The following GCFC2 variants were observed in gnomAD, a reference collection of about 807,000 sequenced individuals.
GCFC2 encodes GC-rich sequence DNA-binding factor 2, also known as intron Large complex component GCFC2.
In GCFC2, 102 loss-of-function variants were observed where a neutral mutation model predicts 99.4. That is an observed-to-expected ratio of 1.03 (90% CI 0.87 to 1.21). The LOEUF is 1.21. Among genes scored for constraint, GCFC2 ranks in the 50% most tolerant of loss-of-function variants. The pLI is 0.00. For synonymous variants in GCFC2, 338 were observed against 316.8 expected (o/e 1.07, Z -0.71); for missense variants, 973 against 920.9 (o/e 1.06, Z -0.73).
rs1046822472 is a variant in GCFC2 at position 75,664,693 on chromosome 2, A to G, written c.2319T>C (p.His773=). 3.4e-6 allele frequency: 5 copies of G among 1,485,778 alleles called. No homozygotes were observed. Among genetic ancestry groups the G allele is most frequent in the Non-Finnish European group, 4.7e-6 (5 of 1,068,132 alleles). 92.0% of individuals were successfully genotyped at this position (1,485,778 alleles called of 1,614,324 possible). A position where few individuals can be genotyped will look rare whatever the true frequency, so the allele number is the denominator to read the frequency against. ...ESFIGEHHLD[H]LKSLIKED ...AATCTTCTTTAATTAGTGATTTAAG[A>G]TGGTCTAGGTGATGCTCTCCTATGA... is the stretch of plus-strand genomic sequence containing the variant. The change falls in exon 17 of 17, where the codon CAT becomes CAC. Residue 773 remains histidine (H), a synonymous_variant. Coordinates refer to ENST00000321027, the MANE Select transcript of GCFC2 (RefSeq NM_003203.5).
rs1471010655 is a variant in GCFC2, at chr2:75,706,677, C to CA, written c.266-27dup. On this transcript the variant is annotated intron_variant, in intron 1 of 16. Coordinates refer to ENST00000321027, the MANE Select transcript of GCFC2 (RefSeq NM_003203.5). Reference sequence around the variant, plus strand: ...CTAACAGGACATTTTAAAAATACAACAAAAAAGAGTCAAAATAATGGAATT... The same window carrying CA: ...CTAACAGGACATTTTAAAAATACAACAAAAAAAGAGTCAAAATAATGGAATT... 7 of 1,482,500 alleles carry CA rather than the reference C, an allele frequency of 4.7e-6. No individual in the cohort carries two copies. The East Asian group carries it at 6.8e-5, about 14-fold the overall frequency. The allele number at this position is 1,482,500 out of a possible 1,614,324, so 91.8% of individuals were successfully genotyped here. A position where few individuals can be genotyped will look rare whatever the true frequency, so the allele number is the denominator to read the frequency against.
At position 75,701,212 on chromosome 2, in the gene GCFC2, C is replaced by T. The variant is rs771797224; in HGVS notation, c.695G>A (p.Arg232Lys). Reference protein sequence around the residue: ...KQDTWEQQQMRKAVKIIEERD... With the variant: ...KQDTWEQQQMKKAVKIIEERD... ...TACCTCTATGATTTTAACTGCTTTC[C>T]TCATTTGCTGTTGTTCCCAAGTATC... Residue 232 changes from arginine (R) to lysine (K), a missense_variant, in exon 4 of 17, where the codon AGG (arginine) becomes AAG (lysine). Coordinates refer to ENST00000321027, the MANE Select transcript of GCFC2 (RefSeq NM_003203.5). 6.3e-7 allele frequency: 1 copy of T among 1,586,982 alleles called. No homozygotes were observed. The highest frequency in any genetic ancestry group is 1.7e-5 in the Admixed American group (1 of 59,910).
intron 12 of GCFC2, among the ~76,000 whole-genome samples, chr2:75,675,975 C>T (rs994547360): frequency 6.6e-6 from 1 of 151,970 alleles, no homozygotes; most frequent in African/African-American, 2.4e-5. Context: ...TTGTGTGATG[C>T]CAATGGTTTT....
chr2:75,698,678 C>T (rs2104386346), intron 4 of GCFC2, among the ~76,000 whole-genome samples: 1 of 152,218 alleles, frequency 6.6e-6, no homozygotes, highest in Non-Finnish European at 1.5e-5. Flanking sequence ...TACTCAACAT[C>T]TGTTGGACTA....
In GCFC2 at chr2:75,710,674, ACCCGGTGGGGCAGT is replaced by A; in HGVS notation, c.168_181del (p.Leu57SerfsTer33). ...CCGGCCCCGGCCACGAGGGCCCCGAACCCGGTGGGGCAGTCCCGCCACCTGCGCGCGGCCTCCTC... is the reference window on the plus strand; with the variant it reads ...CCGGCCCCGGCCACGAGGGCCCCGAACCCGCCACCTGCGCGCGGCCTCCTC... On this transcript the variant is annotated frameshift_variant, in exon 1 of 17. Transcript: ENST00000321027. LOFTEE classifies it high-confidence loss of function. 6.6e-7 allele frequency: 1 copy of A among 1,522,792 alleles called. No homozygotes were observed. Among genetic ancestry groups the A allele is most frequent in the Non-Finnish European group, 8.8e-7 (1 of 1,140,834 alleles). The allele number at this position is 1,522,792 out of a possible 1,614,324, so 94.3% of individuals were successfully genotyped here. A position where few individuals can be genotyped will look rare whatever the true frequency, so the allele number is the denominator to read the frequency against.
At chr2:75,683,919 G>C (rs77550293) in intron 11 of GCFC2, among the ~76,000 whole-genome samples, 1 of 152,012 alleles carries the variant, frequency 6.6e-6, no homozygotes, top group South Asian at 2.1e-4. Context: ...AACAGTAAGA[G>C]CTAACCATCC....
chr2:75,669,778 G>C (rs1183249084), intron 15 of GCFC2, among the ~76,000 whole-genome samples: 2 of 152,034 alleles, frequency 1.3e-5, no homozygotes, highest in Non-Finnish European at 2.9e-5. Flanking sequence ...TGTCACCCAG[G>C]CTGGAGTGCA....
intron 1 of GCFC2, among the ~76,000 whole-genome samples, chr2:75,707,258 G>A (rs757148756): frequency 1.3e-5 from 2 of 152,048 alleles, no homozygotes; most frequent in Admixed American, 1.3e-4. Context: ...TAAACCATGG[G>A]TCCATCTTTT....
At chr2:75,702,124 AT>A (rs760795924) in intron 3 of GCFC2, 74 bp downstream of exon 3, 1 of 1,539,554 alleles carries the variant, frequency 6.5e-7, no homozygotes, top group Non-Finnish European at 8.8e-7. Flanking sequence ...AGCATATTAC[AT>A]TTTTTATGGA....
chr2:75,686,713 C>T (rs1343294134), intron 11 of GCFC2, among the ~76,000 whole-genome samples: 1 of 152,178 alleles, frequency 6.6e-6, no homozygotes, highest in Non-Finnish European at 1.5e-5. Context: ...CACTGTACTC[C>T]AGTCTGGGTG....
rs192738925 is a variant in GCFC2 at position 75,665,390 on chromosome 2, G to A, written c.2228+539C>T. ...GCTGTTCTCAAACTCCTGGGCTCAAGTGATCCTCCTGCCTCAGCCTCCCAA... is the reference window on the plus strand; with the variant it reads ...GCTGTTCTCAAACTCCTGGGCTCAAATGATCCTCCTGCCTCAGCCTCCCAA... On this transcript the variant is annotated intron_variant, in intron 16 of 16. Transcript: ENST00000321027. Among the ~76,000 whole-genome samples the A allele has an allele frequency of 1.7e-3, 260 of 152,258 alleles. 2 individuals are homozygous for A. Among genetic ancestry groups the A allele is most frequent in the African/African-American group, 6.0e-3 (248 of 41,540 alleles).
At chr2:75,705,386 G>T (rs1680805375) in intron 2 of GCFC2, among the ~76,000 whole-genome samples, 1 of 152,060 alleles carries the variant, frequency 6.6e-6, no homozygotes, top group South Asian at 2.1e-4. Context: ...CACTTTGAGA[G>T]TCCGAGGTGG....
At chr2:75,703,924 C>T (rs1402486165) in intron 2 of GCFC2, among the ~76,000 whole-genome samples, 6 of 152,110 alleles carry the variant, frequency 3.9e-5, no homozygotes, top group South Asian at 2.1e-4. Flanking sequence ...TTGCAGGTGA[C>T]TCGGTAGGGT....
intron 6 of GCFC2, among the ~76,000 whole-genome samples, chr2:75,693,229 G>A (rs192723098): frequency 4.6e-5 from 7 of 152,116 alleles, no homozygotes; most frequent in Admixed American, 3.3e-4. Flanking sequence ...GCCTGAGCTC[G>A]GGAGTTCCAG....
chr2:75,673,933 G>A (rs769958026), intron 12 of GCFC2, among the ~76,000 whole-genome samples: 4 of 152,174 alleles, frequency 2.6e-5, no homozygotes, highest in Non-Finnish European at 4.4e-5. Context: ...ACGGTTTCTA[G>A]AATAGTGGCA....
chr2:75,690,601 A>G, intron 8 of GCFC2, 37 bp downstream of exon 8: 2 of 937,050 alleles, frequency 2.1e-6, no homozygotes, highest in South Asian at 2.8e-5. Context: ...TACTTGCTCA[A>G]TGATGCTTTC....
chr2:75,680,617 T>C (rs920359941), intron 11 of GCFC2, among the ~76,000 whole-genome samples: 4 of 152,168 alleles, frequency 2.6e-5, no homozygotes, highest in Non-Finnish European at 5.9e-5. Context: ...TTGATCACTA[T>C]ACAACTTGAG....
upstream of GCFC2, among the ~76,000 whole-genome samples, chr2:75,711,400 C>T (rs1020244575): frequency 6.6e-6 from 1 of 152,130 alleles, no homozygotes; most frequent in East Asian, 1.9e-4. Context: ...AATGACTTCC[C>T]CCAGGCAGCA....
chr2:75,691,405 T>C (rs1172215805), intron 7 of GCFC2, among the ~76,000 whole-genome samples: 1 of 152,232 alleles, frequency 6.6e-6, no homozygotes, highest in Non-Finnish European at 1.5e-5. Flanking sequence ...ATATTATTTC[T>C]TATTTTAATA....
Sources: gnomAD v4.1 joint callset for allele counts (sites outside exome capture counted in the v4.1 genomes callset) on GRCh38, gnomAD v4.1.1 for gene constraint, MANE v1.5 for transcripts, NCBI Gene and HGNC (gene_info 2026-07-23, HGNC 2026-07-21) for gene names.